The following RIMS1 variants were observed in gnomAD, a reference collection of about 807,000 sequenced individuals.
The protein encoded by RIMS1 is regulating synaptic membrane exocytosis 1, also known as regulating synaptic membrane exocytosis protein 1.
In RIMS1, 83 loss-of-function variants were observed where a neutral mutation model predicts 214.1. That is an observed-to-expected ratio of 0.39 (90% confidence interval 0.32 to 0.47). RIMS1 has a LOEUF of 0.47. RIMS1 is among the 20% of genes least tolerant of loss of function. RIMS1 has a pLI of 0.99. For missense variants in RIMS1, 2,050 were observed against 2,161.8 expected, an observed-to-expected ratio of 0.95 and a Z score of 1.03; for synonymous variants, 793 against 786.8, an observed-to-expected ratio of 1.01 and a Z score of -0.13.
chr6:72,065,954 T>G (rs900096407), intron 2 of RIMS1, among the ~76,000 whole-genome samples: 1 of 151,086 alleles, frequency 6.6e-6, no homozygotes, highest in Non-Finnish European at 1.5e-5. Context: ...ATTTTGGATG[T>G]GGATATTCCA....
chr6:72,074,180 A>G (rs1831233449), intron 2 of RIMS1, among the ~76,000 whole-genome samples: 1 of 152,168 alleles, frequency 6.6e-6, no homozygotes, highest in South Asian at 2.1e-4. Flanking sequence ...TACTACCTTA[A>G]GAGAGGTAGT....
intron 4 of RIMS1, among the ~76,000 whole-genome samples, chr6:72,123,088 C>A (rs113565570): frequency 1.3e-5 from 2 of 151,328 alleles, no homozygotes; most frequent in African/African-American, 4.8e-5. Flanking sequence ...AGATCTTTCC[C>A]GCTTTCTCTT....
chr6:72,277,400 T>C (rs2087056251), intron 23 of RIMS1, among the ~76,000 whole-genome samples: 1 of 152,094 alleles, frequency 6.6e-6, no homozygotes, highest in East Asian at 1.9e-4. Context: ...GCTAACACAG[T>C]GAAACCCCGT....
intron 10 of RIMS1, among the ~76,000 whole-genome samples, chr6:72,244,542 AT>A (rs2068513661): frequency 6.6e-6 from 1 of 151,716 alleles, no homozygotes; most frequent in Non-Finnish European, 1.5e-5. Flanking sequence ...TTGTTCCTGG[AT>A]TTTTTTACAA....
At chr6:71,951,395 AC>A (rs1393754987) in intron 1 of RIMS1, among the ~76,000 whole-genome samples, 1 of 152,100 alleles carries the variant, frequency 6.6e-6, no homozygotes, top group Non-Finnish European at 1.5e-5. Flanking sequence ...CTACATTCTT[AC>A]ATTCAACCAA....
rs142833044 is a variant in RIMS1 at position 72,133,796 on chromosome 6, A to G, written c.471+33810A>G. 2.4e-4 allele frequency among the ~76,000 whole-genome samples: 36 copies of G among 152,256 alleles called. 1 individual carries two copies. Among genetic ancestry groups the G allele is most frequent in the Admixed American group, 3.9e-4 (6 of 15,284 alleles). On this transcript the variant is annotated intron_variant, in intron 4 of 33. Transcript: ENST00000521978. ...AGGTGGGAAAATTCCCTATCAGGAT[A>G]CCTAGCACATAATGGAAATCCAAAA...
chr6:72,149,539 G>T (rs1230316413), intron 4 of RIMS1, among the ~76,000 whole-genome samples: 1 of 151,976 alleles, frequency 6.6e-6, no homozygotes, highest in Non-Finnish European at 1.5e-5. Context: ...GGGGGTGGGG[G>T]TGGTGGCAGA....
At chr6:72,343,515 T>TTGTG (rs1209452789) in intron 29 of RIMS1, among the ~76,000 whole-genome samples, 3 of 120,590 alleles carry the variant, frequency 2.5e-5, no homozygotes, top group African/African-American at 9.6e-5. Context: ...TTTTTTTTTT[T>TTGTG]TGTGTGTGTG....
At chr6:72,058,746 T>C (rs1827046609) in intron 2 of RIMS1, among the ~76,000 whole-genome samples, 1 of 152,196 alleles carries the variant, frequency 6.6e-6, no homozygotes, top group Non-Finnish European at 1.5e-5. Context: ...ACATCCCAAA[T>C]TCTATGAGCA....
intron 2 of RIMS1, among the ~76,000 whole-genome samples, chr6:72,085,414 C>T (rs62409482): frequency 0.34 from 51,074 of 151,954 alleles, 10,072 homozygotes; most frequent in South Asian, 0.47. Context: ...CTGTGATTCA[C>T]AAAATTGTAA....
intron 29 of RIMS1, among the ~76,000 whole-genome samples, chr6:72,378,776 T>A (rs1595778717): frequency 6.6e-6 from 1 of 152,054 alleles, no homozygotes; most frequent in South Asian, 2.1e-4. Context: ...GGGATGGAGG[T>A]TGCAGTGAGC....
At chr6:72,055,935 T>C (rs1826037033) in intron 2 of RIMS1, among the ~76,000 whole-genome samples, 1 of 152,182 alleles carries the variant, frequency 6.6e-6, no homozygotes, top group Non-Finnish European at 1.5e-5. Flanking sequence ...GGAATAAAAG[T>C]TGTTCTACCA....
intron 23 of RIMS1, among the ~76,000 whole-genome samples, chr6:72,280,636 A>G (rs2089632060): frequency 6.6e-6 from 1 of 152,148 alleles, no homozygotes; most frequent in African/African-American, 2.4e-5. Flanking sequence ...GGTAAATTTC[A>G]TTGCTATTTG....
At chr6:72,230,579 G>A (rs948419692) in intron 6 of RIMS1, among the ~76,000 whole-genome samples, 14 of 151,414 alleles carry the variant, frequency 9.2e-5, no homozygotes, top group African/African-American at 1.9e-4. Flanking sequence ...AATCCATTGC[G>A]CTTTAACACT....
At chr6:72,324,256 G>C (rs192505518) in intron 28 of RIMS1, among the ~76,000 whole-genome samples, 1 of 151,950 alleles carries the variant, frequency 6.6e-6, no homozygotes, top group South Asian at 2.1e-4. Context: ...ATATGTAGAC[G>C]TGAAAAATAT....
intron 4 of RIMS1, among the ~76,000 whole-genome samples, chr6:72,135,964 A>G (rs1249566870): frequency 2.0e-5 from 3 of 152,218 alleles, no homozygotes; most frequent in Non-Finnish European, 4.4e-5. Flanking sequence ...AGATGATTCC[A>G]TGACATTTGA....
At chr6:72,264,418 C>A (rs2079480262) in intron 19 of RIMS1, among the ~76,000 whole-genome samples, 1 of 152,140 alleles carries the variant, frequency 6.6e-6, no homozygotes, top group Non-Finnish European at 1.5e-5. Flanking sequence ...GGGTCTGGAT[C>A]CAGACAGAAG....
chr6:71,964,416 C>A (rs1204260719), intron 1 of RIMS1, among the ~76,000 whole-genome samples: 2 of 151,996 alleles, frequency 1.3e-5, no homozygotes, highest in African/African-American at 4.8e-5. Context: ...AGGAGGAGAA[C>A]AATAGTAAAT....
At chr6:71,971,257 G>A (rs1795780664) in intron 2 of RIMS1, among the ~76,000 whole-genome samples, 1 of 152,040 alleles carries the variant, frequency 6.6e-6, no homozygotes, top group Admixed American at 6.6e-5. Context: ...AGAGAAGTAG[G>A]GAAAATGGAC....
Sources: allele counts gnomAD v4.1 joint callset (sites outside exome capture counted in the v4.1 genomes callset), GRCh38; gene constraint gnomAD v4.1.1; transcripts MANE v1.5; gene names NCBI Gene and HGNC (gene_info 2026-07-23, HGNC 2026-07-21).